Variants in DTNB observed in about 807,000 individuals in gnomAD.
DTNB encodes DTN-B.
DTNB carries 63 observed loss-of-function variants against 90.7 expected under a neutral mutation model. The ratio of observed to expected loss-of-function variants is 0.69; its 90% CI spans 0.57 to 0.86. The LOEUF is 0.86. Among genes scored for constraint, DTNB ranks in the 40% least tolerant of loss-of-function variants. The pLI is 0.00. For missense variants in DTNB, 744 were observed against 807.1 expected (o/e 0.92, Z 0.95); for synonymous variants, 277 against 286.7 (o/e 0.97, Z 0.34).
At chr2:25,522,264 C>T (rs985324665) in intron 9 of DTNB, among the ~76,000 whole-genome samples, 1 of 152,126 alleles carries the variant, frequency 6.6e-6, no homozygotes, top group Non-Finnish European at 1.5e-5. Context: ...TCACCACCCC[C>T]CAGAAAGGAA....
rs745562867 is a variant in DTNB, at chr2:25,580,683, T to C, written c.709+38A>G. The C allele has an allele frequency of 2.6e-6, 4 of 1,548,356 alleles. No individual in the cohort carries two copies. The South Asian group carries it at 3.3e-5, about 13-fold the overall frequency. ...GCAAATAATCAGTTCCTATACTTTC[T>C]ATAGCATGCGGAATTGAACAATAAA... On this transcript the variant is annotated intron_variant, in intron 7 of 20. Transcript: ENST00000406818.
At chr2:25,540,424 A>G (rs2080931662) in intron 8 of DTNB, among the ~76,000 whole-genome samples, 2 of 151,960 alleles carry the variant, frequency 1.3e-5, no homozygotes, top group African/African-American at 2.4e-5. Flanking sequence ...CTCTTTTTTT[A>G]TAAGTTGTGA....
intron 1 of DTNB, among the ~76,000 whole-genome samples, chr2:25,657,979 G>A (rs1009753720): frequency 3.3e-5 from 5 of 151,998 alleles, no homozygotes; most frequent in Non-Finnish European, 4.4e-5. Flanking sequence ...GACAAGGGCC[G>A]GGTGCAGTGG....
chr2:25,532,945 T>C (rs1471209250), intron 8 of DTNB, among the ~76,000 whole-genome samples: 1 of 152,184 alleles, frequency 6.6e-6, no homozygotes, highest in Non-Finnish European at 1.5e-5. Flanking sequence ...TACTTTATAA[T>C]AAAGACTAAA....
At position 25,607,236 on chromosome 2, in the gene DTNB, A is replaced by T; in HGVS notation, c.448T>A (p.Tyr150Asn). 1 of 1,593,870 alleles carries T rather than the reference A, an allele frequency of 6.3e-7. No homozygotes were observed. Among genetic ancestry groups the T allele is most frequent in the Non-Finnish European group, 8.6e-7 (1 of 1,169,450 alleles). ...TTTCAAATAATATGAAAATACTTACATCTCAATTTGTCCAGCATTTTTCCA... is the reference window on the plus strand; with the variant it reads ...TTTCAAATAATATGAAAATACTTACTTCTCAATTTGTCCAGCATTTTTCCA... ...CGGKMLDKLR[Y>N]VFSQMSDSNG... The change falls in exon 5 of 21, where the codon TAT becomes AAT. Residue 150 changes from tyrosine (Y) to asparagine (N), a missense_variant and splice_region_variant. Tyr to Asn is a moderately radical substitution (Grantham distance 143). Transcript: ENST00000406818.
chr2:25,586,236 T>G (rs191652317), intron 6 of DTNB, among the ~76,000 whole-genome samples: 4 of 151,944 alleles, frequency 2.6e-5, no homozygotes, highest in Non-Finnish European at 4.4e-5. Flanking sequence ...GGCGGCCAGG[T>G]GCGGTGGCTC....
intron 8 of DTNB, among the ~76,000 whole-genome samples, chr2:25,541,442 A>C (rs2081232612): frequency 6.6e-6 from 1 of 152,174 alleles, no homozygotes; most frequent in Non-Finnish European, 1.5e-5. Context: ...AGATCACACC[A>C]CCGCACTCCA....
At position 25,387,095 on chromosome 2, in the gene DTNB, G is replaced by A. The variant is rs755610499; in HGVS notation, c.1825+194C>T. 2.0e-4 allele frequency: 112 copies of A among 547,988 alleles called. 1 individual carries two copies. Among genetic ancestry groups the A allele is most frequent in the Non-Finnish European group, 2.4e-4 (73 of 304,350 alleles). 33.9% of individuals were successfully genotyped at this position (547,988 alleles called of 1,614,324 possible). ...CTGAGATAGGCCTGAATGTGAAACC[G>A]CCCCTACGCGATCCTGTGTGACAGA... is the stretch of plus-strand genomic sequence containing the variant. On this transcript the variant is annotated intron_variant, in intron 18 of 20. Coordinates refer to ENST00000406818, the MANE Select transcript of DTNB (RefSeq NM_021907.5). The surrounding 1 kb of genome is among the most constrained non-coding windows in gnomAD (Gnocchi z 4.5).
chr2:25,488,328 TAA>T (rs1013460227), intron 9 of DTNB, among the ~76,000 whole-genome samples: 1 of 152,032 alleles, frequency 6.6e-6, no homozygotes, highest in Non-Finnish European at 1.5e-5. Flanking sequence ...GAATAAAGAA[TAA>T]GAGATTTTTA....
At position 25,491,947 on chromosome 2, in the gene DTNB, T is replaced by C. The variant is rs115321035; in HGVS notation, c.1002-9074A>G. ...ATGGAGAAAAGTAATGTTTTTGAGG[T>C]CACAGAGCCAAATCGTGGGAGCAAG... On this transcript the variant is annotated intron_variant, in intron 9 of 20. Coordinates refer to ENST00000406818, the MANE Select transcript of DTNB (RefSeq NM_021907.5). Among the ~76,000 whole-genome samples, 1,185 of 150,448 alleles carry C rather than the reference T, an allele frequency of 7.9e-3. 22 individuals carry two copies. Among genetic ancestry groups the C allele is most frequent in the African/African-American group, 0.028 (1,135 of 41,072 alleles).
At chr2:25,526,395 A>ATATATTTTTTTTT in intron 9 of DTNB, among the ~76,000 whole-genome samples, 4 of 49,828 alleles carry the variant, frequency 8.0e-5, no homozygotes, top group African/African-American at 2.0e-4. Flanking sequence ...ATATATATAT[A>ATATATTTTTTTTT]TTTTTTTTTT....
chr2:25,602,203 G>C (rs750157624), intron 5 of DTNB, among the ~76,000 whole-genome samples: 1 of 152,142 alleles, frequency 6.6e-6, no homozygotes, highest in Non-Finnish European at 1.5e-5. Context: ...GAGGGTGGGA[G>C]TCTGCATGCC....
At chr2:25,489,440 G>A (rs1023171710) in intron 9 of DTNB, among the ~76,000 whole-genome samples, 1 of 152,086 alleles carries the variant, frequency 6.6e-6, no homozygotes, top group African/African-American at 2.4e-5. Context: ...ATACTTAATA[G>A]AAGTAAGAAA....
chr2:25,615,459 T>A (rs1430638697), intron 4 of DTNB, among the ~76,000 whole-genome samples: 1 of 152,124 alleles, frequency 6.6e-6, no homozygotes, highest in East Asian at 1.9e-4. Flanking sequence ...TGGCAAACAG[T>A]CTATATCCTA....
intron 8 of DTNB, among the ~76,000 whole-genome samples, chr2:25,561,684 T>G (rs1375675486): frequency 6.6e-6 from 1 of 152,110 alleles, no homozygotes; most frequent in Non-Finnish European, 1.5e-5. Flanking sequence ...AGCTGGCTCC[T>G]CCTCCTCTCC....
intron 10 of DTNB, among the ~76,000 whole-genome samples, chr2:25,462,790 G>A (rs1167616769): frequency 1.3e-5 from 2 of 151,184 alleles, no homozygotes; most frequent in East Asian, 1.9e-4. Flanking sequence ...TGCAAGCTCC[G>A]CCTCCCGGGT....
In DTNB at chr2:25,424,217, CA is replaced by C; in HGVS notation, c.1554+3317del. Among the ~76,000 whole-genome samples, 1 of 152,324 alleles carries C rather than the reference CA, an allele frequency of 6.6e-6. No individual in the cohort carries two copies. The highest frequency in any genetic ancestry group is 1.9e-4 in the East Asian group (1 of 5,186). On this transcript the variant is annotated intron_variant, in intron 15 of 20. Coordinates refer to ENST00000406818, the MANE Select transcript of DTNB (RefSeq NM_021907.5). This position sits in a 1 kb window ranked among gnomAD's most constrained non-coding sequence, Gnocchi z 4.1. ...ATTTGTGTTTGCAAATTCTTCCTCC[CA>C]GTCTGAACAGCCTTAGCCTGTCAGA...
intron 2 of DTNB, among the ~76,000 whole-genome samples, chr2:25,650,653 G>A (rs182422527): frequency 1.3e-5 from 2 of 152,272 alleles, no homozygotes; most frequent in Admixed American, 1.3e-4. Flanking sequence ...GTAAAGGAAT[G>A]TAAGCAAAGA....
intron 10 of DTNB, among the ~76,000 whole-genome samples, chr2:25,481,030 T>C (rs1373267076): frequency 1.3e-5 from 2 of 152,152 alleles, no homozygotes; most frequent in Admixed American, 1.3e-4. Context: ...TCCTAAGTCA[T>C]AAAAATAATA....
Sources: allele counts gnomAD v4.1 joint callset (sites outside exome capture counted in the v4.1 genomes callset), GRCh38; gene constraint gnomAD v4.1.1; non-coding constraint Gnocchi (gnomAD v3.1); transcripts MANE v1.5; gene names NCBI Gene and HGNC (gene_info 2026-07-23, HGNC 2026-07-21).